The following CCDC60 variants were observed in gnomAD, a reference collection of about 807,000 sequenced individuals.
CCDC60 encodes the protein coiled-coil domain containing 60.
A neutral mutation model predicts 63.5 loss-of-function variants in CCDC60; 54 were observed. The ratio of observed to expected loss-of-function variants is 0.85; its 90% confidence interval spans 0.68 to 1.07. The LOEUF (loss-of-function observed/expected upper bound fraction) is 1.07. Among genes scored for constraint, CCDC60 ranks in the 50% least tolerant of loss-of-function variants. CCDC60 has a pLI of 0.00. For missense variants in CCDC60, 651 were observed against 684.3 expected, an observed-to-expected ratio of 0.95 and a Z score of 0.54; for synonymous variants, 206 against 238.8, an observed-to-expected ratio of 0.86 and a Z score of 1.27.
intron 4 of CCDC60, among the ~76,000 whole-genome samples, chr12:119,487,733 C>G (rs1324573811): frequency 1.3e-5 from 2 of 152,168 alleles, no homozygotes; most frequent in African/African-American, 4.8e-5. Context: ...CATACTCCAG[C>G]AGGTTGTAGG....
intron 9 of CCDC60, among the ~76,000 whole-genome samples, chr12:119,522,031 C>T (rs1318315333): frequency 6.6e-6 from 1 of 152,174 alleles, no homozygotes; most frequent in Non-Finnish European, 1.5e-5. Flanking sequence ...GGAAAATGGC[C>T]AGGCCTGCCT....
At chr12:119,359,678 C>T (rs1955753723) in intron 1 of CCDC60, among the ~76,000 whole-genome samples, 1 of 146,436 alleles carries the variant, frequency 6.8e-6, no homozygotes, top group African/African-American at 2.4e-5. Flanking sequence ...GAGGACCCTG[C>T]GGCCTTCCGC....
chr12:119,352,194 C>A (rs1270881805), intron 1 of CCDC60, among the ~76,000 whole-genome samples: 2 of 152,068 alleles, frequency 1.3e-5, no homozygotes, highest in African/African-American at 4.8e-5. Flanking sequence ...AATTCATTCA[C>A]TATTGTGAGA....
chr12:119,505,030 CCT>C, intron 6 of CCDC60, 37 bp from the exon 7 acceptor site: 1 of 1,458,208 alleles, frequency 6.9e-7, no homozygotes, highest in Non-Finnish European at 9.4e-7. Flanking sequence ...TCTTTTTCCC[CCT>C]CCTTCCTGAA....
intron 7 of CCDC60, among the ~76,000 whole-genome samples, chr12:119,510,950 G>C (rs1275636552): frequency 6.6e-6 from 1 of 152,152 alleles, no homozygotes; most frequent in South Asian, 2.1e-4. Flanking sequence ...GCTAGCAAAT[G>C]CTTCCCCTTG....
intron 2 of CCDC60, among the ~76,000 whole-genome samples, chr12:119,470,556 C>T (rs901370327): frequency 2.6e-5 from 4 of 152,164 alleles, no homozygotes; most frequent in Non-Finnish European, 5.9e-5. Flanking sequence ...AATGAAATGA[C>T]CTTCATAACA....
chr12:119,397,981 G>A (rs1956301290), intron 1 of CCDC60, among the ~76,000 whole-genome samples: 1 of 29,288 alleles, frequency 3.4e-5, no homozygotes, highest in Non-Finnish European at 6.5e-5. Context: ...CGTGGGGAGT[G>A]GGAGGAAGGG....
intron 1 of CCDC60, among the ~76,000 whole-genome samples, chr12:119,379,986 G>A (rs952702673): frequency 6.6e-6 from 1 of 152,232 alleles, no homozygotes; most frequent in African/African-American, 2.4e-5. Context: ...TAAAGTGTTT[G>A]TGTGGGGGTG....
chr12:119,349,084 A>G (rs908165722), intron 1 of CCDC60, among the ~76,000 whole-genome samples: 147 of 152,142 alleles, frequency 9.7e-4, no homozygotes, highest in Non-Finnish European at 2.5e-4. Context: ...CAAGGGTCAT[A>G]CAGCTGCTGG....
intron 9 of CCDC60, 27 bp downstream of exon 9, chr12:119,520,219 G>A: frequency 1.2e-6 from 2 of 1,606,256 alleles, no homozygotes; most frequent in Non-Finnish European, 1.7e-6. Flanking sequence ...CCTGCAGCAG[G>A]TGCCTCCGAA....
At chr12:119,517,115 G>A (rs1050761691) in intron 8 of CCDC60, among the ~76,000 whole-genome samples, 5 of 151,860 alleles carry the variant, frequency 3.3e-5, no homozygotes, top group African/African-American at 7.3e-5. Context: ...AGCCTCCCAC[G>A]TAGCTGGGAC....
intron 1 of CCDC60, among the ~76,000 whole-genome samples, chr12:119,353,227 G>A (rs1371332070): frequency 6.6e-6 from 1 of 151,864 alleles, no homozygotes; most frequent in Non-Finnish European, 1.5e-5. Context: ...ACTGTTCCTT[G>A]TCTGCCTGTG....
At chr12:119,394,773 A>T (rs1157605031) in intron 1 of CCDC60, among the ~76,000 whole-genome samples, 2 of 152,210 alleles carry the variant, frequency 1.3e-5, no homozygotes, top group African/African-American at 4.8e-5. Flanking sequence ...CAAGCAACAA[A>T]CACTCACTGA....
intron 1 of CCDC60, among the ~76,000 whole-genome samples, chr12:119,353,342 C>A (rs553121561): frequency 3.9e-5 from 6 of 152,150 alleles, no homozygotes; most frequent in Non-Finnish European, 5.9e-5. Flanking sequence ...CCCTAAGTAG[C>A]CAACACAGAT....
chr12:119,379,783 G>A (rs1454696964), intron 1 of CCDC60, among the ~76,000 whole-genome samples: 1 of 152,216 alleles, frequency 6.6e-6, no homozygotes, highest in African/African-American at 2.4e-5. Flanking sequence ...AGCTACTGGA[G>A]GTAGGGTAGC....
intron 1 of CCDC60, among the ~76,000 whole-genome samples, chr12:119,417,583 T>C (rs937729057): frequency 2.0e-5 from 3 of 152,146 alleles, no homozygotes; most frequent in Non-Finnish European, 4.4e-5. Flanking sequence ...GTCCCCCTAG[T>C]TATTTAACTA....
At chr12:119,500,898 G>C (rs1951835720) in intron 6 of CCDC60, among the ~76,000 whole-genome samples, 1 of 152,130 alleles carries the variant, frequency 6.6e-6, no homozygotes, top group South Asian at 2.1e-4. Flanking sequence ...ATTCAACAAA[G>C]ATTTTCTACA....
intron 1 of CCDC60, among the ~76,000 whole-genome samples, chr12:119,349,099 T>C (rs943713688): frequency 3.3e-5 from 5 of 152,188 alleles, no homozygotes; most frequent in South Asian, 2.1e-4. Flanking sequence ...TGCTGGTTAG[T>C]GGACCATCCA....
At chr12:119,488,117 G>T (rs1011696792) in intron 4 of CCDC60, among the ~76,000 whole-genome samples, 2 of 152,180 alleles carry the variant, frequency 1.3e-5, no homozygotes, top group African/African-American at 4.8e-5. Context: ...TTCCCAGCCT[G>T]AGACATATTT....
Sources: gnomAD v4.1 joint callset for allele counts (sites outside exome capture counted in the v4.1 genomes callset) on GRCh38, gnomAD v4.1.1 for gene constraint, MANE v1.5 for transcripts, NCBI Gene and HGNC (gene_info 2026-07-23, HGNC 2026-07-21) for gene names.